Variants in OR51B5 observed in about 807,000 individuals in gnomAD.
The protein encoded by OR51B5 is olfactory receptor 51B5.
For synonymous variants in OR51B5, 186 were observed against 144.8 expected (o/e 1.28, Z -2.04); for missense variants, 456 against 374.6 (o/e 1.22, Z -1.79).
In OR51B5 at chr11:5,352,059, G is replaced by C. The variant is rs773798860; in HGVS notation, n.85-5149C>G. Reference sequence around the variant, plus strand: ...TCTGTCTACACCAAGATGTCATCAAGCTAGCCTGTGCTGACATCACCTTCA... The same window carrying C: ...TCTGTCTACACCAAGATGTCATCAACCTAGCCTGTGCTGACATCACCTTCA... On this transcript the variant is annotated intron_variant and non_coding_transcript_variant, in intron 1 of 4. Coordinates refer to the OR51B5 transcript ENST00000415970. 5.0e-6 allele frequency: 8 copies of C among 1,614,002 alleles called. No individual in the cohort carries two copies. In the South Asian group the frequency reaches 8.8e-5, roughly 18 times the overall value.
At chr11:5,375,028 T>C (rs1444033622) in intron 1 of OR51B5, among the ~76,000 whole-genome samples, 2 of 151,294 alleles carry the variant, frequency 1.3e-5, no homozygotes, top group African/African-American at 4.9e-5. Context: ...AGACACATAA[T>C]TGTCAGATTC....
chr11:5,341,924 A>AT (rs531439745), downstream of OR51B5, among the ~76,000 whole-genome samples: 2 of 152,136 alleles, frequency 1.3e-5, no homozygotes, highest in East Asian at 1.9e-4. Flanking sequence ...CTCTTCTCAC[A>AT]TTTTTTTGTT....
chr11:5,459,082 T>A (rs1338709438), intron 1 of OR51B5, among the ~76,000 whole-genome samples: 1 of 152,230 alleles, frequency 6.6e-6, no homozygotes, highest in Non-Finnish European at 1.5e-5. Context: ...TGATGTTGGC[T>A]GTTAGTTTCT....
chr11:5,359,179 A>G (rs936944174), intron 1 of OR51B5, among the ~76,000 whole-genome samples: 8 of 151,876 alleles, frequency 5.3e-5, no homozygotes, highest in African/African-American at 1.9e-4. Context: ...AAGGTATTCA[A>G]TTAGGAAAAG....
intron 1 of OR51B5, among the ~76,000 whole-genome samples, chr11:5,381,719 T>TA (rs138699277): frequency 0.13 from 19,390 of 152,248 alleles, 1,354 homozygotes; most frequent in South Asian, 0.16. Flanking sequence ...TATTTTGTGA[T>TA]ATGATAAAAC....
intron 1 of OR51B5, chr11:5,453,849 G>GA: frequency 6.2e-7 from 1 of 1,614,184 alleles, no homozygotes; most frequent in Non-Finnish European, 8.5e-7. Flanking sequence ...CATGAGTTTT[G>GA]ACCGCTATGT....
At chr11:5,453,676 T>C in intron 1 of OR51B5, 2 of 1,613,512 alleles carry the variant, frequency 1.2e-6, no homozygotes, top group Non-Finnish European at 1.7e-6. Flanking sequence ...TACTACTTCC[T>C]GTCCATGTTG....
At chr11:5,462,094 G>T (rs1004757044) in intron 1 of OR51B5, among the ~76,000 whole-genome samples, 8 of 152,146 alleles carry the variant, frequency 5.3e-5, no homozygotes, top group Admixed American at 3.9e-4. Flanking sequence ...TAGGTTTAAG[G>T]TGTGTGGAAA....
intron 1 of OR51B5, among the ~76,000 whole-genome samples, chr11:5,358,691 A>G (rs1849232460): frequency 6.6e-6 from 1 of 151,970 alleles, no homozygotes; most frequent in African/African-American, 2.4e-5. Flanking sequence ...ACACAACAAA[A>G]AAAGAGAATT....
At chr11:5,439,892 C>G (rs534956044) in intron 1 of OR51B5, among the ~76,000 whole-genome samples, 1 of 152,246 alleles carries the variant, frequency 6.6e-6, no homozygotes, top group Non-Finnish European at 1.5e-5. Flanking sequence ...ATCTGTTTCT[C>G]TATAAAGCTA....
intron 1 of OR51B5, among the ~76,000 whole-genome samples, chr11:5,353,454 A>T (rs556928497): frequency 6.7e-6 from 1 of 148,964 alleles, no homozygotes; most frequent in East Asian, 1.9e-4. Context: ...GAGTTGAAAA[A>T]CAAACAGTTG....
intron 1 of OR51B5, chr11:5,488,684 G>C: frequency 4.7e-6 from 7 of 1,499,096 alleles, no homozygotes; most frequent in Non-Finnish European, 6.5e-6. Flanking sequence ...TATTCAGAAA[G>C]AGCCCTTCAT....
At chr11:5,354,951 G>C (rs1001528698) in intron 1 of OR51B5, 2 of 164,322 alleles carry the variant, frequency 1.2e-5, no homozygotes, top group African/African-American at 4.8e-5. Context: ...CGCTGGATTG[G>C]TCTGGGCAGG....
chr11:5,482,243 C>G (rs1322874863), intron 1 of OR51B5, among the ~76,000 whole-genome samples: 1 of 90,294 alleles, frequency 1.1e-5, no homozygotes, highest in Non-Finnish European at 2.1e-5. Context: ...CTGACAAAAA[C>G]AAGCAATGGG....
intron 1 of OR51B5, among the ~76,000 whole-genome samples, chr11:5,374,830 A>G (rs2133710892): frequency 6.6e-6 from 1 of 152,292 alleles, no homozygotes; most frequent in East Asian, 1.9e-4. Context: ...ATATGGGACT[A>G]TGTGAAAAGA....
At chr11:5,371,273 G>C (rs1440275898) in intron 1 of OR51B5, among the ~76,000 whole-genome samples, 1 of 151,888 alleles carries the variant, frequency 6.6e-6, no homozygotes. Flanking sequence ...TTTCACATTA[G>C]GTTAATTTTT....
At chr11:5,355,762 T>A (rs1489463394) in intron 1 of OR51B5, among the ~76,000 whole-genome samples, 4 of 148,486 alleles carry the variant, frequency 2.7e-5, no homozygotes, top group Non-Finnish European at 3.0e-5. Flanking sequence ...CTTTAAAAAT[T>A]AAAAAAAAAA....
At chr11:5,353,892 A>G (rs1849142752) in intron 1 of OR51B5, among the ~76,000 whole-genome samples, 1 of 152,218 alleles carries the variant, frequency 6.6e-6, no homozygotes, top group African/African-American at 2.4e-5. Flanking sequence ...ATACCTTCAC[A>G]ATAGTTTCCA....
At chr11:5,347,446 T>C (rs929831033), upstream of OR51B5, among the ~76,000 whole-genome samples, 2 of 152,178 alleles carry the variant, frequency 1.3e-5, no homozygotes, top group East Asian at 3.8e-4. Flanking sequence ...GAGTTTAGCC[T>C]ACCAGAAGTT....
Sources: gnomAD v4.1 joint callset for allele counts (sites outside exome capture counted in the v4.1 genomes callset) on GRCh38, gnomAD v4.1.1 for gene constraint, MANE v1.5 for transcripts, NCBI Gene and HGNC (gene_info 2026-07-23, HGNC 2026-07-21) for gene names.